MYCN: variants seen among roughly 807,000 people sequenced by gnomAD.
The protein encoded by MYCN is MYCN proto-oncogene, bHLH transcription factor, also known as N-myc proto-oncogene protein.
In MYCN, 3 loss-of-function variants were observed where a neutral mutation model predicts 28.1. The ratio of observed to expected loss-of-function variants is 0.11; its 90% confidence interval spans 0.05 to 0.28. The LOEUF (loss-of-function observed/expected upper bound fraction) is 0.28, where lower values mean the gene tolerates loss of function less well. Ranked by LOEUF, MYCN falls within the 10% of genes least tolerant of loss-of-function variation. MYCN has a pLI of 1.00. For missense variants in MYCN, 572 were observed against 651.4 expected (o/e 0.88, Z 1.33); for synonymous variants, 326 against 288.3 (o/e 1.13, Z -1.32).
chr2:15,943,709 G>A (rs758815119), intron 2 of MYCN, among the ~76,000 whole-genome samples: 1 of 152,204 alleles, frequency 6.6e-6, no homozygotes, highest in Non-Finnish European at 1.5e-5. Flanking sequence ...AGTTGTATCT[G>A]TAACCCAGTG....
At chr2:15,943,225 C>T (rs1015418804) in intron 2 of MYCN, among the ~76,000 whole-genome samples, 1 of 152,060 alleles carries the variant, frequency 6.6e-6, no homozygotes, top group African/African-American at 2.4e-5. Flanking sequence ...TTGCTGGGTG[C>T]ACTGCCTGGA....
rs1662715388 is a variant in MYCN, at chr2:15,942,409, C to T, written c.345C>T (p.Cys115=). The T allele has an allele frequency of 6.2e-7, 1 of 1,605,376 alleles. No individual in the cohort carries two copies. ...CCAACCCGGTCATCCTCCAGGACTG[C>T]ATGTGGAGCGGCTTCTCCGCCCGCG... The part of the protein sequence containing the change: ...LTPNPVILQD[C]MWSGFSAREK... Residue 115 remains cysteine (C), a synonymous_variant, in exon 2 of 3, where the codon TGC becomes TGT. Transcript: ENST00000281043. The surrounding 1 kb of genome is among the most constrained non-coding windows in gnomAD (Gnocchi z 7.0).
At position 15,946,291 on chromosome 2, in the gene MYCN, G is replaced by A. The variant is rs1662871720; in HGVS notation, c.*194G>A. 4 of 756,096 alleles carry A rather than the reference G, an allele frequency of 5.3e-6. No individual in the cohort carries two copies. Among genetic ancestry groups the A allele is most frequent in the African/African-American group, 1.7e-5 (1 of 57,322 alleles). The allele number at this position is 756,096 out of a possible 1,614,324, so 46.8% of individuals were successfully genotyped here. On this transcript the variant is annotated 3_prime_UTR_variant, in exon 3 of 3. Coordinates refer to ENST00000281043, the MANE Select transcript of MYCN (RefSeq NM_005378.6). ...TGGAGAGCCTGCATCCCAGGATGCT[G>A]GGTGGCCCTGCAGCCTCCTCCACCT...
chr2:15,942,266 G>A lies in MYCN; in HGVS notation c.202G>A (p.Ala68Thr), dbSNP rs767463815. ...CCCGCTGTCGCCCAGCCGTGGCTTC[G>A]CGGAGCACAGCTCCGAGCCCCCGAG... The part of the protein sequence containing the change: ...TPPLSPSRGF[A>T]EHSSEPPSWV... The change falls in exon 2 of 3, where the codon GCG becomes ACG. Residue 68 changes from alanine to threonine, a missense_variant. Ala to Thr is a moderately conservative substitution (Grantham distance 58). This residue lies in a region of MYCN where 499 missense variants were observed against 524.3 expected (regional missense o/e 0.95). Transcript: ENST00000281043. The surrounding 1 kb of genome is among the most constrained non-coding windows in gnomAD (Gnocchi z 7.0). 1.2e-6 allele frequency: 2 copies of A among 1,612,146 alleles called. No individual in the cohort carries two copies. The highest frequency in any genetic ancestry group is 8.5e-7 in the Non-Finnish European group (1 of 1,179,604).
chr2:15,944,593 T>C (rs1019780808), intron 2 of MYCN, among the ~76,000 whole-genome samples: 1 of 152,238 alleles, frequency 6.6e-6, no homozygotes, highest in African/African-American at 2.4e-5. Context: ...AACTGCTAAA[T>C]GAGGCTCCTA....
Position 15,941,595 on chromosome 2 carries a change from C to T in MYCN, c.-117-353C>T. 1 of 229,444 alleles carries T rather than the reference C, an allele frequency of 4.4e-6. No individual in the cohort carries two copies. 14.2% of individuals were successfully genotyped at this position (229,444 alleles called of 1,614,324 possible). ...CTGAGCAGCCGGCCCCACACCGCTG[C>T]GAGTGCGGTTGTCTGCGTGCTCGTG... On this transcript the variant is annotated intron_variant, in intron 1 of 2. Coordinates refer to ENST00000281043, the MANE Select transcript of MYCN (RefSeq NM_005378.6). The surrounding 1 kb of genome is among the most constrained non-coding windows in gnomAD (Gnocchi z 4.8).
rs750967188 is a variant in MYCN, at chr2:15,941,808, TTC to T, written c.-117-139_-117-138del. 130 of 588,768 alleles carry T rather than the reference TTC, an allele frequency of 2.2e-4. No individual in the cohort carries two copies. The highest frequency in any genetic ancestry group is 3.7e-4 in the Non-Finnish European group (121 of 329,672). The allele number at this position is 588,768 out of a possible 1,614,324, so 36.5% of individuals were successfully genotyped here. ...GGAGGGAGGGAGCGAGAGGCACAAC[TTC>T]CTCCACCTTCGGGAGCAGTGGGCAG... On this transcript the variant is annotated intron_variant, in intron 1 of 2. Coordinates refer to ENST00000281043, the MANE Select transcript of MYCN (RefSeq NM_005378.6). This position sits in a 1 kb window ranked among gnomAD's most constrained non-coding sequence, Gnocchi z 4.8.
Position 15,941,531 on chromosome 2 carries a change from C to T in MYCN, c.-117-417C>T, listed in dbSNP as rs997708742. ...AAGGGGGTAGAAGGTACTCCAAATA[C>T]CATTCCCGGTAGCTGGGTCGGAGAG... On this transcript the variant is annotated intron_variant, in intron 1 of 2. Coordinates refer to ENST00000281043, the MANE Select transcript of MYCN (RefSeq NM_005378.6). The surrounding 1 kb of genome is among the most constrained non-coding windows in gnomAD (Gnocchi z 4.8). The T allele has an allele frequency of 1.0e-5, 2 of 192,650 alleles. No individual in the cohort carries two copies. The highest frequency in any genetic ancestry group is 1.1e-4 in the Admixed American group (2 of 18,478). The allele number at this position is 192,650 out of a possible 1,614,324, so 11.9% of individuals were successfully genotyped here. A position where few individuals can be genotyped will look rare whatever the true frequency, so the allele number is the denominator to read the frequency against.
Position 15,941,589 on chromosome 2 carries a change from C to G in MYCN, c.-117-359C>G. On this transcript the variant is annotated intron_variant, in intron 1 of 2. Coordinates refer to ENST00000281043, the MANE Select transcript of MYCN (RefSeq NM_005378.6). The surrounding 1 kb of genome is among the most constrained non-coding windows in gnomAD (Gnocchi z 4.8). ...CTTCCCCTGAGCAGCCGGCCCCACACCGCTGCGAGTGCGGTTGTCTGCGTG... is the reference window on the plus strand; with the variant it reads ...CTTCCCCTGAGCAGCCGGCCCCACAGCGCTGCGAGTGCGGTTGTCTGCGTG... 4.4e-6 allele frequency: 1 copy of G among 229,762 alleles called. No individual in the cohort carries two copies. Among genetic ancestry groups the G allele is most frequent in the South Asian group, 8.6e-5 (1 of 11,606 alleles). 14.2% of individuals were successfully genotyped at this position (229,762 alleles called of 1,614,324 possible). A position where few individuals can be genotyped will look rare whatever the true frequency, so the allele number is the denominator to read the frequency against.
At position 15,946,203 on chromosome 2, in the gene MYCN, C is replaced by T. The variant is rs1662869233; in HGVS notation, c.*106C>T. 3.2e-6 allele frequency: 5 copies of T among 1,544,896 alleles called. No homozygotes were observed. The Middle Eastern group carries it at 5.1e-4, about 156-fold the overall frequency. On this transcript the variant is annotated 3_prime_UTR_variant, in exon 3 of 3. Transcript: ENST00000281043. ...AATGTTGGTTTACTTTCAAATCGGT[C>T]CCCTGTCGAGTTCGGCTCTGGGTGG...
rs1662842353 is a variant in MYCN at position 15,945,593 on chromosome 2, C to T, written c.891C>T (p.Phe297=). 1 of 1,614,150 alleles carries T rather than the reference C, an allele frequency of 6.2e-7. No individual in the cohort carries two copies. The highest frequency in any genetic ancestry group is 2.2e-5 in the East Asian group (1 of 44,876). Residue 297 remains phenylalanine (F), a synonymous_variant, in exon 3 of 3, where the codon TTC becomes TTT. Coordinates refer to ENST00000281043, the MANE Select transcript of MYCN (RefSeq NM_005378.6). This position sits in a 1 kb window ranked among gnomAD's most constrained non-coding sequence, Gnocchi z 4.8. ...SSSNTKAVTT[F]TITVRPKNAA... is the part of the protein sequence containing the mutation. ...CCAACACCAAGGCTGTCACCACATT[C>T]ACCATCACTGTGCGTCCCAAGAACG... is the stretch of plus-strand genomic sequence containing the variant.
At position 15,942,017 on chromosome 2, in the gene MYCN, CGAACGGGGCGGAAA is replaced by C; in HGVS notation, c.-44_-31del. 1.9e-6 allele frequency: 3 copies of C among 1,611,114 alleles called. No individual in the cohort carries two copies. The highest frequency in any genetic ancestry group is 2.5e-6 in the Non-Finnish European group (3 of 1,179,154). On this transcript the variant is annotated 5_prime_UTR_variant, in exon 2 of 3. Coordinates refer to ENST00000281043, the MANE Select transcript of MYCN (RefSeq NM_005378.6). This position sits in a 1 kb window ranked among gnomAD's most constrained non-coding sequence, Gnocchi z 7.0. ...GAAGGAAGCACCCCCGGTATTAAAACGAACGGGGCGGAAAGAAGCCCTCAGTCGCCGGCCGGGAG... is the reference window on the plus strand; with the variant it reads ...GAAGGAAGCACCCCCGGTATTAAAACGAAGCCCTCAGTCGCCGGCCGGGAG...
rs1558536629 is a variant in MYCN, at chr2:15,946,142, A to G, written c.*45A>G. 3 of 1,567,766 alleles carry G rather than the reference A, an allele frequency of 1.9e-6. No individual in the cohort carries two copies. The highest frequency in any genetic ancestry group is 2.2e-5 in the South Asian group (2 of 89,326). ...AGTCACTGCCACTTTGCACATTTTG[A>G]TTTTTTTTTTAAACAAACATTGTGT... On this transcript the variant is annotated 3_prime_UTR_variant, in exon 3 of 3. Transcript: ENST00000281043.
intron 2 of MYCN, among the ~76,000 whole-genome samples, chr2:15,943,403 C>CTTTTTT (rs111360717): frequency 1.4e-5 from 2 of 138,400 alleles, no homozygotes; most frequent in Non-Finnish European, 1.5e-5. Context: ...TTTTCTTTTT[C>CTTTTTT]TTTTTTTTTT....
chr2:15,942,550 C>A lies in MYCN; in HGVS notation c.486C>A (p.His162Gln). Residue 162 changes from histidine to glutamine, a missense_variant, in exon 2 of 3, where the codon CAC becomes CAA. Around this residue, in one of 3 missense-constraint regions of MYCN, gnomAD observed 499 missense variants for 524.3 expected, o/e 0.95. Transcript: ENST00000281043. The surrounding 1 kb of genome is among the most constrained non-coding windows in gnomAD (Gnocchi z 7.0). ...AGAASPAGRG[H>Q]GGAAGAGRAG... ...CCGCCAGCCCTGCGGGTCGCGGGCA[C>A]GGCGGGGCTGCGGGAGCCGGCCGCG... 3 of 1,208,348 alleles carry A rather than the reference C, an allele frequency of 2.5e-6. No individual in the cohort carries two copies. The highest frequency in any genetic ancestry group is 2.1e-6 in the Non-Finnish European group (2 of 974,432). The allele number at this position is 1,208,348 out of a possible 1,614,324, so 74.9% of individuals were successfully genotyped here.
chr2:15,942,821 A>C lies in MYCN; in HGVS notation c.757A>C (p.Ser253Arg). The C allele has an allele frequency of 6.4e-7, 1 of 1,569,550 alleles. No homozygotes were observed. Among genetic ancestry groups the C allele is most frequent in the Middle Eastern group, 1.7e-4 (1 of 5,926 alleles). Residue 253 changes from serine to arginine, a missense_variant, in exon 2 of 3, where the codon AGT (serine) becomes CGT (arginine). This residue lies in a region of MYCN where 499 missense variants were observed against 524.3 expected (regional missense o/e 0.95). Transcript: ENST00000281043. The surrounding 1 kb of genome is among the most constrained non-coding windows in gnomAD (Gnocchi z 7.0). ...CAGCGGCGGCGACCACAAGGCCCTC[A>C]GTACCTCCGGAGAGGACACCCTGAG... ...QTSGGDHKAL[S>R]TSGEDTLSDS...
rs887520733 is a variant in MYCN, at chr2:15,946,533, T to C, written c.*436T>C. ...TTGACACATCCGCCTTTTGTATACA[T>C]CCTGGGTAATGAGAGGTGGCTTTTG... On this transcript the variant is annotated 3_prime_UTR_variant, in exon 3 of 3. Transcript: ENST00000281043. 4.5e-4 allele frequency: 161 copies of C among 358,080 alleles called. 1 individual carries two copies. Among genetic ancestry groups the C allele is most frequent in the Admixed American group, 6.7e-4 (15 of 22,548 alleles). 22.2% of individuals were successfully genotyped at this position (358,080 alleles called of 1,614,324 possible).
Position 15,946,036 on chromosome 2 carries a change from A to G in MYCN, c.1334A>G (p.Glu445Gly), listed in dbSNP as rs2103331990. ...GAGCACCAGCTTTTGCTGGAAAAGG[A>G]AAAATTGCAGGCAAGACAGCAGCAG... The part of the protein sequence containing the change: ...AEEHQLLLEK[E>G]KLQARQQQLL... Residue 445 changes from glutamate (E) to glycine (G), a missense_variant, in exon 3 of 3, where the codon GAA becomes GGA. By Grantham distance (98) the Glu-to-Gly change is moderately conservative (BLOSUM62 -2). This residue lies in a region of MYCN where 61 missense variants were observed against 81.6 expected (regional missense o/e 0.75). Coordinates refer to ENST00000281043, the MANE Select transcript of MYCN (RefSeq NM_005378.6). The G allele has an allele frequency of 2.5e-6, 4 of 1,614,246 alleles. No individual in the cohort carries two copies. The highest frequency in any genetic ancestry group is 2.5e-6 in the Non-Finnish European group (3 of 1,180,050).
In MYCN at chr2:15,941,445, T is replaced by A. The variant is rs1438641863; in HGVS notation, c.-117-503T>A. The A allele has an allele frequency of 1.3e-5, 2 of 154,446 alleles. No individual in the cohort carries two copies. Among genetic ancestry groups the A allele is most frequent in the Non-Finnish European group, 2.9e-5 (2 of 69,562 alleles). 9.6% of individuals were successfully genotyped at this position (154,446 alleles called of 1,614,324 possible). A position where few individuals can be genotyped will look rare whatever the true frequency, so the allele number is the denominator to read the frequency against. On this transcript the variant is annotated intron_variant, in intron 1 of 2. Transcript: ENST00000281043. This position sits in a 1 kb window ranked among gnomAD's most constrained non-coding sequence, Gnocchi z 4.8. Reference sequence around the variant, plus strand: ...CTCTGTCTAGAGAAAGGCTTTTTTTTATTTGCAAAGTTTTCTAAATCCCCT... The same window carrying A: ...CTCTGTCTAGAGAAAGGCTTTTTTTAATTTGCAAAGTTTTCTAAATCCCCT...
Sources: allele counts gnomAD v4.1 joint callset (sites outside exome capture counted in the v4.1 genomes callset), GRCh38; gene constraint gnomAD v4.1.1; regional missense constraint gnomAD v4.1.1; non-coding constraint Gnocchi (gnomAD v3.1); transcripts MANE v1.5; gene names NCBI Gene and HGNC (gene_info 2026-07-23, HGNC 2026-07-21).